The following LYPLA1 variants were observed in gnomAD, a reference collection of about 807,000 sequenced individuals.
LYPLA1 encodes acyl-protein thioesterase 1.
Under a neutral mutation model 34.0 loss-of-function variants are expected in LYPLA1, and 17 were observed. That is an observed-to-expected ratio of 0.50 (90% CI 0.34 to 0.75). The LOEUF (loss-of-function observed/expected upper bound fraction) is 0.75, where lower values mean the gene tolerates loss of function less well. LYPLA1 is among the 30% of genes least tolerant of loss of function. LYPLA1 has a pLI of 0.01. For missense variants in LYPLA1, 203 were observed against 288.8 expected, an observed-to-expected ratio of 0.70 and a Z score of 2.15; for synonymous variants, 98 against 100.8, an observed-to-expected ratio of 0.97 and a Z score of 0.17.
At chr8:54,058,928 A>G (rs1586089940) in intron 5 of LYPLA1, among the ~76,000 whole-genome samples, 2 of 152,066 alleles carry the variant, frequency 1.3e-5, no homozygotes, top group African/African-American at 4.8e-5. Context: ...TAACCTGAGC[A>G]CTGTCTTCTT....
intron 2 of LYPLA1, among the ~76,000 whole-genome samples, chr8:54,083,061 C>T (rs887602543): frequency 2.0e-5 from 3 of 152,140 alleles, no homozygotes; most frequent in Non-Finnish European, 1.5e-5. Context: ...TGTTCGCAGA[C>T]ATCATTTTTT....
At chr8:54,093,497 CG>C (rs1809464629) in intron 2 of LYPLA1, among the ~76,000 whole-genome samples, 1 of 152,144 alleles carries the variant, frequency 6.6e-6, no homozygotes, top group Non-Finnish European at 1.5e-5. Flanking sequence ...CAGGCAAGGA[CG>C]GATCTTCCGT....
intron 2 of LYPLA1, among the ~76,000 whole-genome samples, chr8:54,082,757 C>T (rs1808410927): frequency 6.6e-6 from 1 of 152,242 alleles, no homozygotes; most frequent in Non-Finnish European, 1.5e-5. Flanking sequence ...GACGGAGTCT[C>T]GCTCTCTTGC....
chr8:54,081,790 T>G (rs1344174500), intron 2 of LYPLA1, among the ~76,000 whole-genome samples: 1 of 150,782 alleles, frequency 6.6e-6, no homozygotes, highest in Non-Finnish European at 1.5e-5. Flanking sequence ...AGTGCAATGG[T>G]GCGATCTTGG....
At chr8:54,072,713 T>C (rs889909420) in intron 2 of LYPLA1, among the ~76,000 whole-genome samples, 1 of 151,922 alleles carries the variant, frequency 6.6e-6, no homozygotes, top group Non-Finnish European at 1.5e-5. Flanking sequence ...TGGTCGTGGC[T>C]CATGCCTGTA....
At chr8:54,100,837 C>G in intron 2 of LYPLA1, 71 bp downstream of exon 2, 1 of 1,257,118 alleles carries the variant, frequency 8.0e-7, no homozygotes, top group South Asian at 1.2e-5. Flanking sequence ...AACATTAAAC[C>G]TTTGAACGCG....
chr8:54,101,073 T>G, intron 1 of LYPLA1, 134 bp from the exon 2 acceptor site: 1 of 676,298 alleles, frequency 1.5e-6, no homozygotes, highest in African/African-American at 2.0e-5. Flanking sequence ...TTCGGCGACT[T>G]AATCTTTATC....
chr8:54,082,400 T>C (rs968069390), intron 2 of LYPLA1, among the ~76,000 whole-genome samples: 5 of 152,186 alleles, frequency 3.3e-5, no homozygotes, highest in Non-Finnish European at 7.3e-5. Flanking sequence ...GATCAAGAAC[T>C]AATCCTTTTT....
chr8:54,086,479 T>C (rs1441956487), intron 2 of LYPLA1, among the ~76,000 whole-genome samples: 3 of 62,006 alleles, frequency 4.8e-5, no homozygotes, highest in African/African-American at 2.3e-4. Flanking sequence ...CTTCTCCTCA[T>C]CCCCCCCGCC....
intron 2 of LYPLA1, among the ~76,000 whole-genome samples, chr8:54,097,365 T>A (rs887518658): frequency 1.3e-5 from 2 of 152,188 alleles, no homozygotes; most frequent in Non-Finnish European, 2.9e-5. Flanking sequence ...TAGCCTGTTC[T>A]CTGCAGAAGT....
chr8:54,084,163 T>TATATATATATATATATATATATATAA, intron 2 of LYPLA1, among the ~76,000 whole-genome samples: 1 of 132,602 alleles, frequency 7.5e-6, no homozygotes, highest in African/African-American at 3.2e-5. Flanking sequence ...TATATATATA[T>TATATATATATATATATATATATATAA]AAAATAAAGA....
At chr8:54,055,195 A>C (rs772934060) in intron 5 of LYPLA1, 62 bp from the exon 6 acceptor site, 1 of 936,566 alleles carries the variant, frequency 1.1e-6, no homozygotes, top group Non-Finnish European at 1.7e-6. Context: ...GATAAAATTT[A>C]AATTAGGAAA....
intron 3 of LYPLA1, among the ~76,000 whole-genome samples, chr8:54,065,057 T>C (rs892246542): frequency 4.6e-5 from 7 of 152,182 alleles, no homozygotes; most frequent in Admixed American, 6.6e-5. Flanking sequence ...GTCTGTGCTC[T>C]TTCCACAGTA....
At chr8:54,086,437 T>TAAAAAAAAA (rs1808774324) in intron 2 of LYPLA1, among the ~76,000 whole-genome samples, 1 of 32,732 alleles carries the variant, frequency 3.1e-5, no homozygotes, top group African/African-American at 2.2e-4. Context: ...ACTAAAAAAA[T>TAAAAAAAAA]TAAAAAAAAA....
downstream of LYPLA1, chr8:54,045,471 T>A (rs546132183): frequency 6.6e-5 from 10 of 152,308 alleles, no homozygotes; most frequent in Admixed American, 5.9e-4. Context: ...GATTATCATA[T>A]GAAATACAGT....
chr8:54,076,764 T>C lies in LYPLA1; in HGVS notation c.102-10951A>G, dbSNP rs1298854999. On this transcript the variant is annotated intron_variant, in intron 2 of 8. Transcript: ENST00000316963. ...GCTGCAGTTAACTAGCCCAACCAAT[T>C]CCTTTAATTTGGCCCATCCCTTCAT... is the stretch of plus-strand genomic sequence containing the variant. 5.3e-5 allele frequency among the ~76,000 whole-genome samples: 8 copies of C among 152,262 alleles called. No homozygotes were observed. In the East Asian group the frequency reaches 1.5e-3, roughly 29 times the overall value.
intron 2 of LYPLA1, among the ~76,000 whole-genome samples, chr8:54,081,713 C>T (rs983823304): frequency 4.0e-5 from 6 of 149,418 alleles, no homozygotes; most frequent in African/African-American, 1.5e-4. Context: ...CTGCGCCCAG[C>T]CTTTCTTTTC....
chr8:54,081,713 C>A (rs983823304), intron 2 of LYPLA1, among the ~76,000 whole-genome samples: 2 of 149,418 alleles, frequency 1.3e-5, no homozygotes, highest in Non-Finnish European at 2.9e-5. Context: ...CTGCGCCCAG[C>A]CTTTCTTTTC....
chr8:54,090,157 T>G (rs1053944658), intron 2 of LYPLA1, among the ~76,000 whole-genome samples: 2 of 152,150 alleles, frequency 1.3e-5, no homozygotes, highest in Non-Finnish European at 2.9e-5. Flanking sequence ...AACGGACGCA[T>G]TGGGGGCGCC....
Sources: gnomAD v4.1 joint callset for allele counts (sites outside exome capture counted in the v4.1 genomes callset) on GRCh38, gnomAD v4.1.1 for gene constraint, MANE v1.5 for transcripts, NCBI Gene and HGNC (gene_info 2026-07-23, HGNC 2026-07-21) for gene names.